Variants in BCAS3 observed in about 807,000 individuals in gnomAD.
The protein encoded by BCAS3 is BCAS3 microtubule associated cell migration factor, also known as BCAS4/BCAS3 fusion.
A neutral mutation model predicts 116.1 loss-of-function variants in BCAS3; 53 were observed. The observed-to-expected ratio is 0.46, with a 90% confidence interval of 0.37 to 0.57. BCAS3 has a LOEUF of 0.57. Among genes scored for constraint, BCAS3 ranks in the 20% least tolerant of loss-of-function variants. The pLI is 0.00. For synonymous variants in BCAS3, 391 were observed against 408.2 expected, an observed-to-expected ratio of 0.96 and a Z score of 0.51; for missense variants, 917 against 1,165.4, an observed-to-expected ratio of 0.79 and a Z score of 3.10.
At position 61,291,823 on chromosome 17, in the gene BCAS3, C is replaced by T. The variant is rs569453527; in HGVS notation, c.2426-76504C>T. Among the ~76,000 whole-genome samples, 3 of 152,158 alleles carry T rather than the reference C, an allele frequency of 2.0e-5. No homozygotes were observed. In the East Asian group the frequency reaches 5.8e-4, roughly 29 times the overall value. On this transcript the variant is annotated intron_variant, in intron 22 of 23. Coordinates refer to ENST00000407086, the MANE Select transcript of BCAS3 (RefSeq NM_017679.5). ...GTGGTTGTGCGTGTGTCGGTGTGTG[C>T]CCACTTGCAAGCCTGTATGCACGCC...
chr17:61,380,448 C>A lies in BCAS3; in HGVS notation c.2594-11529C>A. 3 of 1,505,292 alleles carry A rather than the reference C, an allele frequency of 2.0e-6. No homozygotes were observed. The highest frequency in any genetic ancestry group is 2.7e-6 in the Non-Finnish European group (3 of 1,102,410). The allele number at this position is 1,505,292 out of a possible 1,614,324, so 93.2% of individuals were successfully genotyped here. On this transcript the variant is annotated intron_variant, in intron 23 of 23. Transcript: ENST00000407086. This position sits in a 1 kb window ranked among gnomAD's most constrained non-coding sequence, Gnocchi z 4.2. ...CTCACTTTGATCTCAGCTCTTCCTG[C>A]TCTCTTAAAGGTCCAGTTTGTGATC...
chr17:60,853,221 A>G (rs2144814676), intron 7 of BCAS3, among the ~76,000 whole-genome samples: 1 of 152,372 alleles, frequency 6.6e-6, no homozygotes, highest in South Asian at 2.1e-4. Context: ...CTATATAATG[A>G]AACTGTGGAG....
At chr17:61,232,414 G>C (rs889334919) in intron 22 of BCAS3, among the ~76,000 whole-genome samples, 7 of 151,946 alleles carry the variant, frequency 4.6e-5, no homozygotes, top group Non-Finnish European at 2.9e-5. Flanking sequence ...GGGGTGGGGA[G>C]TAATTTTCCT....
At position 61,125,594 on chromosome 17, in the gene BCAS3, A is replaced by G. The variant is rs534389712; in HGVS notation, c.2425+41030A>G. ...TTGATTGTGTAATTATCAATAATCT[A>G]TGATGAAAATGAAATGTTTGTGATT... On this transcript the variant is annotated intron_variant, in intron 22 of 23. Coordinates refer to ENST00000407086, the MANE Select transcript of BCAS3 (RefSeq NM_017679.5). 5.9e-5 allele frequency among the ~76,000 whole-genome samples: 9 copies of G among 152,338 alleles called. No homozygotes were observed. The East Asian group carries it at 1.2e-3, about 20-fold the overall frequency.
At chr17:61,321,931 T>C (rs2055248496) in intron 22 of BCAS3, among the ~76,000 whole-genome samples, 2 of 150,200 alleles carry the variant, frequency 1.3e-5, no homozygotes, top group East Asian at 3.9e-4. Context: ...TTTTTGTTTG[T>C]TTGTTTGTTT....
chr17:60,953,344 C>T (rs1205426676), intron 14 of BCAS3, among the ~76,000 whole-genome samples: 1 of 152,010 alleles, frequency 6.6e-6, no homozygotes, highest in Non-Finnish European at 1.5e-5. Flanking sequence ...TTTTGATTTG[C>T]ATTTCTCTAA....
chr17:60,912,807 C>T (rs1271309011), intron 12 of BCAS3, among the ~76,000 whole-genome samples: 1 of 152,028 alleles, frequency 6.6e-6, no homozygotes, highest in Non-Finnish European at 1.5e-5. Flanking sequence ...AGGCCACCCA[C>T]ATTTATTGGG....
Position 61,026,736 on chromosome 17 carries a change from A to T in BCAS3, c.1638-7930A>T. 1.2e-6 allele frequency: 1 copy of T among 841,664 alleles called. No homozygotes were observed. The highest frequency in any genetic ancestry group is 1.6e-5 in the South Asian group (1 of 61,394). The allele number at this position is 841,664 out of a possible 1,614,324, so 52.1% of individuals were successfully genotyped here. A position where few individuals can be genotyped will look rare whatever the true frequency, so the allele number is the denominator to read the frequency against. ...TATATCAGACAGTATGTACAGCAGA[A>T]TTGTAAATGATTACTAATTTTTTAG... On this transcript the variant is annotated intron_variant, in intron 16 of 23. Coordinates refer to ENST00000407086, the MANE Select transcript of BCAS3 (RefSeq NM_017679.5). This position sits in a 1 kb window ranked among gnomAD's most constrained non-coding sequence, Gnocchi z 5.0.
At chr17:60,701,775 TGTG>T (rs1268213217) in intron 4 of BCAS3, among the ~76,000 whole-genome samples, 2 of 146,464 alleles carry the variant, frequency 1.4e-5, no homozygotes, top group Non-Finnish European at 3.0e-5. Flanking sequence ...GCCTGGCCAA[TGTG>T]GTGACACTCC....
chr17:60,799,523 TG>T lies in BCAS3; in HGVS notation c.404-8480del, dbSNP rs371508562. On this transcript the variant is annotated intron_variant, in intron 6 of 23. Transcript: ENST00000407086. ...ATGTAAGTTTTTTGAGATTAGTGTT[TG>T]TTTTTTTTTTTTTTTTTTTTTGGAG... Among the ~76,000 whole-genome samples, 108 of 135,456 alleles carry T rather than the reference TG, an allele frequency of 8.0e-4. 3 individuals are homozygous for T. Among genetic ancestry groups the T allele is most frequent in the African/African-American group, 2.5e-3 (75 of 29,560 alleles). 88.9% of individuals were successfully genotyped at this position (135,456 alleles called of 152,430 possible).
chr17:61,366,219 A>G lies in BCAS3; in HGVS notation c.2426-2108A>G, dbSNP rs1018233514. ...TGTTATCATTAAGTCCTTGCGTCGC[A>G]TGCAGACCCTTCAGAGAAACGATGA... On this transcript the variant is annotated intron_variant, in intron 22 of 23. Transcript: ENST00000407086. The surrounding 1 kb of genome is among the most constrained non-coding windows in gnomAD (Gnocchi z 4.5). Among the ~76,000 whole-genome samples the G allele has an allele frequency of 1.1e-4, 16 of 151,914 alleles. No individual in the cohort carries two copies. Among genetic ancestry groups the G allele is most frequent in the Non-Finnish European group, 1.5e-5 (1 of 68,008 alleles).
At chr17:61,044,465 A>AAAATATATATATATATATAT in intron 19 of BCAS3, among the ~76,000 whole-genome samples, 1 of 120,122 alleles carries the variant, frequency 8.3e-6, no homozygotes, top group African/African-American at 5.0e-5. Flanking sequence ...AAAAAAAAAA[A>AAAATATATATATATATATAT]ATATATATAT....
rs1381968547 is a variant in BCAS3 at position 61,281,717 on chromosome 17, G to A, written c.2426-86610G>A. ...AGCTTTCTATATACTAAGCAAATTA[G>A]CACTCTATCATATATATTATAAATA... On this transcript the variant is annotated intron_variant, in intron 22 of 23. Coordinates refer to ENST00000407086, the MANE Select transcript of BCAS3 (RefSeq NM_017679.5). The surrounding 1 kb of genome is among the most constrained non-coding windows in gnomAD (Gnocchi z 4.2). Among the ~76,000 whole-genome samples, 1 of 151,760 alleles carries A rather than the reference G, an allele frequency of 6.6e-6. No homozygotes were observed. The highest frequency in any genetic ancestry group is 1.5e-5 in the Non-Finnish European group (1 of 67,972).
intron 7 of BCAS3, among the ~76,000 whole-genome samples, chr17:60,844,216 C>T (rs963704742): frequency 2.6e-5 from 4 of 152,276 alleles, no homozygotes; most frequent in East Asian, 1.9e-4. Flanking sequence ...CTGATCTGCC[C>T]GTCTCGGCCT....
chr17:61,292,745 A>G (rs927369176), intron 22 of BCAS3, among the ~76,000 whole-genome samples: 3 of 152,178 alleles, frequency 2.0e-5, no homozygotes, highest in African/African-American at 7.2e-5. Flanking sequence ...AGGGTCCCCT[A>G]TTCTTATGCC....
chr17:60,860,675 A>T (rs562235166), intron 7 of BCAS3, among the ~76,000 whole-genome samples: 1 of 152,198 alleles, frequency 6.6e-6, no homozygotes, highest in Non-Finnish European at 1.5e-5. Context: ...AAAGATTTTC[A>T]TATATAGAGC....
Position 61,287,202 on chromosome 17 carries a change from C to T in BCAS3, c.2426-81125C>T, listed in dbSNP as rs548072230. Reference sequence around the variant, plus strand: ...GGCAGAGCTTGCAGTGAGCCGAGATCGCACCACTTCACTCCAGCCTGGGCA... The same window carrying T: ...GGCAGAGCTTGCAGTGAGCCGAGATTGCACCACTTCACTCCAGCCTGGGCA... On this transcript the variant is annotated intron_variant, in intron 22 of 23. Transcript: ENST00000407086. Among the ~76,000 whole-genome samples, 8 of 150,266 alleles carry T rather than the reference C, an allele frequency of 5.3e-5. No individual in the cohort carries two copies. The South Asian group carries it at 1.3e-3, about 24-fold the overall frequency.
At chr17:60,861,855 A>G (rs970535662) in intron 7 of BCAS3, among the ~76,000 whole-genome samples, 2 of 152,108 alleles carry the variant, frequency 1.3e-5, no homozygotes, top group African/African-American at 4.8e-5. Context: ...ATCATGGTGG[A>G]TTAGCTTTTC....
chr17:60,705,107 C>T (rs2036941557), intron 4 of BCAS3, among the ~76,000 whole-genome samples: 1 of 152,134 alleles, frequency 6.6e-6, no homozygotes, highest in Non-Finnish European at 1.5e-5. Flanking sequence ...AAGGTGCCAT[C>T]AATGTTACAG....
Sources: allele counts gnomAD v4.1 joint callset (sites outside exome capture counted in the v4.1 genomes callset), GRCh38; gene constraint gnomAD v4.1.1; non-coding constraint Gnocchi (gnomAD v3.1); transcripts MANE v1.5; gene names NCBI Gene and HGNC (gene_info 2026-07-23, HGNC 2026-07-21).